Variants in RBM46 observed in about 807,000 individuals in gnomAD.
RBM46 encodes RNA binding motif protein 46, also known as probable RNA-binding protein 46.
Under a neutral mutation model 43.3 loss-of-function variants are expected in RBM46, and 12 were observed. The observed-to-expected ratio is 0.28, with a 90% confidence interval of 0.18 to 0.45. The LOEUF (loss-of-function observed/expected upper bound fraction) is 0.45. RBM46 is among the 20% of genes least tolerant of loss of function. RBM46 has a pLI of 1.00. For synonymous variants in RBM46, 205 were observed against 207.6 expected (o/e 0.99, Z 0.11); for missense variants, 412 against 639.1 (o/e 0.64, Z 3.83).
At chr4:154,826,502 C>A (rs114363572) in intron 4 of RBM46, among the ~76,000 whole-genome samples, 1 of 151,858 alleles carries the variant, frequency 6.6e-6, no homozygotes, top group Non-Finnish European at 1.5e-5. Flanking sequence ...TTGTATGGTA[C>A]GTAGAGTCAT....
At chr4:154,786,339 T>A (rs1733764001) in intron 1 of RBM46, among the ~76,000 whole-genome samples, 3 of 152,126 alleles carry the variant, frequency 2.0e-5, no homozygotes, top group Admixed American at 6.5e-5. Flanking sequence ...TCCACCTGCC[T>A]CATTCTCCCA....
At chr4:154,798,365 C>A in intron 3 of RBM46, 87 bp downstream of exon 3, 1 of 787,496 alleles carries the variant, frequency 1.3e-6, no homozygotes, top group Non-Finnish European at 2.0e-6. Flanking sequence ...TATCAAAATA[C>A]TAATGTCACT....
chr4:154,828,200 AC>A lies in RBM46; in HGVS notation c.*134del. The A allele has an allele frequency of 1.5e-6, 1 of 657,134 alleles. No homozygotes were observed. Among genetic ancestry groups the A allele is most frequent in the East Asian group, 2.7e-5 (1 of 36,860 alleles). 40.7% of individuals were successfully genotyped at this position (657,134 alleles called of 1,614,324 possible). A position where few individuals can be genotyped will look rare whatever the true frequency, so the allele number is the denominator to read the frequency against. ...AAAGGTATTTATTCCAAAGTACTAAACATCAGCTATAATTCAGAATAACATG... is the reference window on the plus strand; with the variant it reads ...AAAGGTATTTATTCCAAAGTACTAAAATCAGCTATAATTCAGAATAACATG... On this transcript the variant is annotated 3_prime_UTR_variant, in exon 5 of 5. Coordinates refer to ENST00000281722, the MANE Select transcript of RBM46 (RefSeq NM_144979.5).
intron 4 of RBM46, among the ~76,000 whole-genome samples, chr4:154,804,083 A>G (rs145086001): frequency 1.3e-5 from 2 of 152,282 alleles, no homozygotes; most frequent in African/African-American, 4.8e-5. Flanking sequence ...GCCATGAATA[A>G]AAGTTCCTTG....
chr4:154,801,002 A>G (rs1734609327), intron 4 of RBM46, among the ~76,000 whole-genome samples: 1 of 144,004 alleles, frequency 6.9e-6, no homozygotes, highest in South Asian at 2.2e-4. Flanking sequence ...TTTTTTTGAG[A>G]TGGAGTCTGT....
intron 4 of RBM46, among the ~76,000 whole-genome samples, chr4:154,804,432 G>A (rs1734805844): frequency 6.6e-6 from 1 of 152,152 alleles, no homozygotes; most frequent in African/African-American, 2.4e-5. Context: ...TTGAATCTGG[G>A]TCTTTCAGTA....
intron 1 of RBM46, among the ~76,000 whole-genome samples, chr4:154,782,866 G>C (rs556095121): frequency 6.6e-6 from 1 of 152,276 alleles, no homozygotes; most frequent in East Asian, 1.9e-4. Flanking sequence ...TATGTTGCGT[G>C]TATAAGGAGA....
intron 1 of RBM46, among the ~76,000 whole-genome samples, chr4:154,791,858 A>G (rs1734110549): frequency 6.6e-6 from 1 of 152,322 alleles, no homozygotes; most frequent in South Asian, 2.1e-4. Flanking sequence ...AGGGTTTTCC[A>G]AAAAGTTTTG....
At chr4:154,814,295 T>G (rs2111189210) in intron 4 of RBM46, among the ~76,000 whole-genome samples, 1 of 152,224 alleles carries the variant, frequency 6.6e-6, no homozygotes, top group South Asian at 2.1e-4. Flanking sequence ...CTCTTTCTTA[T>G]TGTCTTGCCT....
chr4:154,799,264 T>G lies in RBM46; in HGVS notation c.1102T>G (p.Cys368Gly), dbSNP rs781377957. Residue 368 changes from cysteine (C) to glycine (G), a missense_variant, in exon 4 of 5, where the codon TGC becomes GGC. Coordinates refer to ENST00000281722, the MANE Select transcript of RBM46 (RefSeq NM_144979.5). ...HSPSPPEVER[C>G]TYPFYPGTKL... ...CCCAAGTCCGCCTGAAGTTGAAAGA[T>G]GCACTTACCCTTTTTATCCTGGAAC... 5 of 1,614,240 alleles carry G rather than the reference T, an allele frequency of 3.1e-6. No individual in the cohort carries two copies. Among genetic ancestry groups the G allele is most frequent in the Admixed American group, 1.7e-5 (1 of 60,034 alleles).
chr4:154,789,872 G>A (rs2111101893), intron 1 of RBM46, among the ~76,000 whole-genome samples: 1 of 152,248 alleles, frequency 6.6e-6, no homozygotes, highest in South Asian at 2.1e-4. Flanking sequence ...GGTCTATTGA[G>A]GGATTCAACT....
chr4:154,792,282 C>T (rs182150539), intron 1 of RBM46, among the ~76,000 whole-genome samples: 15 of 152,088 alleles, frequency 9.9e-5, no homozygotes, highest in East Asian at 5.8e-4. Flanking sequence ...ATATAAAGTG[C>T]GTGTCATTAT....
Position 154,799,464 on chromosome 4 carries a change from T to A in RBM46, c.1302T>A (p.Ala434=), listed in dbSNP as rs1734511911. 2 of 1,613,722 alleles carry A rather than the reference T, an allele frequency of 1.2e-6. No homozygotes were observed. Among genetic ancestry groups the A allele is most frequent in the African/African-American group, 2.7e-5 (2 of 74,906 alleles). Residue 434 remains alanine (A), a synonymous_variant, in exon 4 of 5, where the codon GCT becomes GCA. Coordinates refer to ENST00000281722, the MANE Select transcript of RBM46 (RefSeq NM_144979.5). ...TGGTGTATAAGATAGTTATTCCTGC[T>A]ATTGCAAATGGATCCCAGAGTTACT... ...VLLVYKIVIP[A]IANGSQSYFM...
intron 4 of RBM46, among the ~76,000 whole-genome samples, chr4:154,813,134 G>T (rs993138944): frequency 1.3e-5 from 2 of 151,950 alleles, no homozygotes; most frequent in African/African-American, 4.8e-5. Flanking sequence ...AAAGTTAAAA[G>T]ATAAAGATTA....
chr4:154,807,673 G>A (rs1422994855), intron 4 of RBM46, among the ~76,000 whole-genome samples: 1 of 151,744 alleles, frequency 6.6e-6, no homozygotes, highest in Non-Finnish European at 1.5e-5. Flanking sequence ...TCCAAGACCT[G>A]GTAGTACCTT....
chr4:154,798,969 A>G lies in RBM46; in HGVS notation c.807A>G (p.Lys269=), dbSNP rs571832191. 6.2e-6 allele frequency: 10 copies of G among 1,614,032 alleles called. No individual in the cohort carries two copies. In the East Asian group the frequency reaches 2.0e-4, roughly 32 times the overall value. The change falls in exon 4 of 5, where the codon AAA becomes AAG. Residue 269 remains lysine (K), a synonymous_variant. Transcript: ENST00000281722. ...CTGGTGCAGTTGAACGGGTAAAGAA[A>G]CTTAGAGATTATGCTTTTGTTCACT... ...FKPGAVERVK[K]LRDYAFVHFF...
chr4:154,787,232 G>T (rs1733822645), intron 1 of RBM46: 1 of 151,590 alleles, frequency 6.6e-6, no homozygotes, highest in Non-Finnish European at 1.5e-5. Flanking sequence ...TAAGTTCTAG[G>T]GTACAATGTG....
Position 154,799,371 on chromosome 4 carries a change from C to G in RBM46, c.1209C>G (p.Asn403Lys), listed in dbSNP as rs766765342. Residue 403 changes from asparagine (N) to lysine (K), a missense_variant, in exon 4 of 5, where the codon AAC becomes AAG. By Grantham distance (94) the Asn-to-Lys change is moderately conservative (BLOSUM62 0). This residue lies in a region of RBM46 where 149 missense variants were observed against 156.3 expected (regional missense o/e 0.95). Coordinates refer to ENST00000281722, the MANE Select transcript of RBM46 (RefSeq NM_144979.5). ...TAATGCATTTGGATTATTACTGCAA[C>G]AAAAATAACTGGGCACCACCAGAAT... ...SAVMHLDYYC[N>K]KNNWAPPEYY... The G allele has an allele frequency of 6.2e-7, 1 of 1,613,746 alleles. No homozygotes were observed. Among genetic ancestry groups the G allele is most frequent in the South Asian group, 1.1e-5 (1 of 90,982 alleles).
At chr4:154,807,341 C>CT (rs35179816) in intron 4 of RBM46, among the ~76,000 whole-genome samples, 16 of 147,464 alleles carry the variant, frequency 1.1e-4, no homozygotes, top group Non-Finnish European at 1.7e-4. Context: ...TCTTACCTTT[C>CT]TTTTTTTTTT....
Sources: allele counts gnomAD v4.1 joint callset (sites outside exome capture counted in the v4.1 genomes callset), GRCh38; gene constraint gnomAD v4.1.1; regional missense constraint gnomAD v4.1.1; transcripts MANE v1.5; gene names NCBI Gene and HGNC (gene_info 2026-07-23, HGNC 2026-07-21).